TCEA1: variants seen among roughly 807,000 people sequenced by gnomAD.
TCEA1 encodes the protein transcription elongation factor A1.
A neutral mutation model predicts 43.8 loss-of-function variants in TCEA1; 21 were observed. The observed-to-expected ratio is 0.48, with a 90% CI of 0.34 to 0.69. The LOEUF (loss-of-function observed/expected upper bound fraction) is 0.69. Among genes scored for constraint, TCEA1 ranks in the 30% least tolerant of loss-of-function variants. The pLI, the probability that TCEA1 is intolerant of heterozygous loss-of-function variation, is 0.01. For synonymous variants in TCEA1, 104 were observed against 117.5 expected (o/e 0.88, Z 0.75); for missense variants, 250 against 365.1 (o/e 0.68, Z 2.57).
At chr8:53,980,776 A>T (rs2129301164) in intron 7 of TCEA1, among the ~76,000 whole-genome samples, 1 of 152,322 alleles carries the variant, frequency 6.6e-6, no homozygotes, top group Middle Eastern at 3.4e-3. Flanking sequence ...AAGAGTCAAC[A>T]TGTCTCACTT....
intron 1 of TCEA1, among the ~76,000 whole-genome samples, chr8:54,013,974 T>C (rs1008309306): frequency 2.0e-5 from 3 of 152,208 alleles, no homozygotes; most frequent in Non-Finnish European, 2.9e-5. Context: ...ACTCCAGTAA[T>C]GTCAAATGTA....
intron 3 of TCEA1, among the ~76,000 whole-genome samples, chr8:53,994,862 C>T (rs984022221): frequency 2.0e-5 from 3 of 150,580 alleles, no homozygotes; most frequent in Admixed American, 6.6e-5. Context: ...CAGAACAAGA[C>T]TCTGTCTCAA....
intron 3 of TCEA1, among the ~76,000 whole-genome samples, chr8:53,994,277 G>A (rs1788997710): frequency 6.6e-6 from 1 of 152,106 alleles, no homozygotes; most frequent in South Asian, 2.1e-4. Flanking sequence ...CCCAGCAGGT[G>A]GAGGCTGCAG....
intron 3 of TCEA1, among the ~76,000 whole-genome samples, chr8:53,997,024 C>T (rs931167726): frequency 6.6e-6 from 1 of 151,364 alleles, no homozygotes; most frequent in African/African-American, 2.4e-5. Flanking sequence ...CTCAGCCTCT[C>T]GAGTAGCAGT....
At chr8:53,990,952 T>G (rs778216790) in intron 4 of TCEA1, among the ~76,000 whole-genome samples, 1 of 152,198 alleles carries the variant, frequency 6.6e-6, no homozygotes, top group Non-Finnish European at 1.5e-5. Flanking sequence ...AAAATTCATT[T>G]CTCAATCCTC....
intron 1 of TCEA1, chr8:54,021,751 G>A (rs998628637): frequency 1.5e-5 from 4 of 268,360 alleles, no homozygotes; most frequent in Middle Eastern, 1.1e-3. Flanking sequence ...AAGCTAAATT[G>A]CCAAGGTTTT....
chr8:53,988,055 G>C lies in TCEA1; in HGVS notation c.466+59C>G, dbSNP rs536352226. ...CATCAAACAGCAATATGGAGTTGGA[G>C]ATGGCAGTGGTTGTGGGTGGTGACC... On this transcript the variant is annotated intron_variant, in intron 5 of 9. Coordinates refer to ENST00000521604, the MANE Select transcript of TCEA1 (RefSeq NM_006756.4). 9.5e-6 allele frequency: 15 copies of C among 1,574,840 alleles called. No homozygotes were observed. In the South Asian group the frequency reaches 1.5e-4, roughly 16 times the overall value.
chr8:53,978,843 A>C (rs2129300485), intron 8 of TCEA1, 182 bp downstream of exon 8: 1 of 543,418 alleles, frequency 1.8e-6, no homozygotes, highest in Non-Finnish European at 3.1e-6. Flanking sequence ...ATCGGAAAAA[A>C]CGTGGTATAC....
chr8:53,989,811 G>C (rs539644633), intron 4 of TCEA1, among the ~76,000 whole-genome samples: 22 of 152,130 alleles, frequency 1.4e-4, no homozygotes, highest in Non-Finnish European at 2.9e-4. Flanking sequence ...GTGGTGAAGA[G>C]AGCAAGAGTT....
In TCEA1 at chr8:53,992,955, C is replaced by CTTTTT. The variant is rs34864863; in HGVS notation, c.320+708_320+712dup. Reference sequence around the variant, plus strand: ...CATTTTAAGTTCTTATAACAAATGGCTTTTTTTTTTTTTTTAAGATAAGGT... The same window carrying CTTTTT: ...CATTTTAAGTTCTTATAACAAATGGCTTTTTTTTTTTTTTTTTTTTAAGATAAGGT... On this transcript the variant is annotated intron_variant, in intron 4 of 9. Transcript: ENST00000521604. 7.3e-4 allele frequency among the ~76,000 whole-genome samples: 100 copies of CTTTTT among 136,262 alleles called. 1 individual carries two copies. The highest frequency in any genetic ancestry group is 2.6e-3 in the African/African-American group (96 of 37,200). 89.4% of individuals were successfully genotyped at this position (136,262 alleles called of 152,430 possible).
intron 1 of TCEA1, 162 bp downstream of exon 1, chr8:54,021,901 C>A (rs1489107748): frequency 1.8e-5 from 10 of 548,486 alleles, no homozygotes; most frequent in Non-Finnish European, 2.6e-5. Flanking sequence ...GGACCCGACG[C>A]CCCGGGCCCG....
intron 9 of TCEA1, among the ~76,000 whole-genome samples, chr8:53,969,457 A>C (rs566157966): frequency 6.6e-6 from 1 of 152,196 alleles, no homozygotes; most frequent in Non-Finnish European, 1.5e-5. Flanking sequence ...TGAATAATTC[A>C]AAATGAGCAT....
rs529587717 is a variant in TCEA1 at position 53,991,635 on chromosome 8, G to A, written c.320+2033C>T. On this transcript the variant is annotated intron_variant, in intron 4 of 9. Transcript: ENST00000521604. ...CTTGAATCCAGGAGGCAGAGGTTGC[G>A]GTGAGCTGAGATTGTGCCATTGGAC... Among the ~76,000 whole-genome samples, 512 of 149,888 alleles carry A rather than the reference G, an allele frequency of 3.4e-3. 8 individuals carry two copies. The highest frequency in any genetic ancestry group is 3.6e-3 in the Middle Eastern group (1 of 276).
At chr8:54,021,995 G>A (rs1805053892) in intron 1 of TCEA1, 68 bp downstream of exon 1, 7 of 1,390,922 alleles carry the variant, frequency 5.0e-6, no homozygotes, top group South Asian at 1.6e-5. Flanking sequence ...AAGGAGGGAG[G>A]GGGCGGCCCC....
At chr8:53,978,455 C>G (rs1320170592) in intron 8 of TCEA1, 2 of 152,278 alleles carry the variant, frequency 1.3e-5, no homozygotes, top group Non-Finnish European at 2.9e-5. Context: ...CCTGTACCAT[C>G]CTACTCTGTC....
At position 53,972,918 on chromosome 8, in the gene TCEA1, G is replaced by T. The variant is rs553433357; in HGVS notation, c.826-2455C>A. ...TGAGCCGAAGGACGTAGCCTCAGAG[G>T]TGTATTTAACAGCATATAAACTAAA... On this transcript the variant is annotated intron_variant, in intron 8 of 9. Transcript: ENST00000521604. 40 of 673,802 alleles carry T rather than the reference G, an allele frequency of 5.9e-5. 1 individual carries two copies. The East Asian group carries it at 1.0e-3, about 17-fold the overall frequency. The allele number at this position is 673,802 out of a possible 1,614,324, so 41.7% of individuals were successfully genotyped here.
chr8:53,999,224 CA>C (rs57357613), intron 3 of TCEA1, among the ~76,000 whole-genome samples: 18,078 of 64,848 alleles, frequency 0.28, 964 homozygotes, highest in East Asian at 0.54. Flanking sequence ...GACTCAGTCT[CA>C]AAAAAAAAAA....
chr8:54,016,573 T>C (rs935754479), intron 1 of TCEA1, among the ~76,000 whole-genome samples: 1 of 152,154 alleles, frequency 6.6e-6, no homozygotes, highest in African/African-American at 2.4e-5. Flanking sequence ...GTGCAGTGGC[T>C]CACATCTGTA....
chr8:53,989,017 A>AAGACCC (rs1034144089), intron 4 of TCEA1, among the ~76,000 whole-genome samples: 3 of 151,942 alleles, frequency 2.0e-5, no homozygotes, highest in Non-Finnish European at 4.4e-5. Flanking sequence ...TCAGTGAGCC[A>AAGACCC]AGACTGCACC....
Sources: allele counts gnomAD v4.1 joint callset (sites outside exome capture counted in the v4.1 genomes callset), GRCh38; gene constraint gnomAD v4.1.1; transcripts MANE v1.5; gene names NCBI Gene and HGNC (gene_info 2026-07-23, HGNC 2026-07-21).